PPFIA1: variants seen among roughly 807,000 people sequenced by gnomAD.
PPFIA1 encodes liprin-alpha-1.
PPFIA1 carries 25 observed loss-of-function variants against 149.9 expected under a neutral mutation model. The ratio of observed to expected loss-of-function variants is 0.17; its 90% confidence interval spans 0.12 to 0.23. The LOEUF is 0.23. Ranked by LOEUF, PPFIA1 falls within the 10% of genes least tolerant of loss-of-function variation. PPFIA1 has a pLI of 1.00. For missense variants in PPFIA1, 1,362 were observed against 1,506.5 expected (o/e 0.90, Z 1.59); for synonymous variants, 549 against 552.8 (o/e 0.99, Z 0.10).
chr11:70,369,185 T>C (rs1007794791), intron 21 of PPFIA1, among the ~76,000 whole-genome samples: 4 of 152,210 alleles, frequency 2.6e-5, no homozygotes, highest in Non-Finnish European at 4.4e-5. Flanking sequence ...CCGGAATGCT[T>C]GGAGTTCCAT....
At chr11:70,360,595 C>T (rs2056590367) in intron 19 of PPFIA1, among the ~76,000 whole-genome samples, 1 of 152,250 alleles carries the variant, frequency 6.6e-6, no homozygotes, top group African/African-American at 2.4e-5. Context: ...TACTGGCTGT[C>T]TTTGAGTGGC....
intron 2 of PPFIA1, among the ~76,000 whole-genome samples, chr11:70,290,690 C>T (rs1256368934): frequency 6.6e-6 from 1 of 152,130 alleles, no homozygotes; most frequent in Admixed American, 6.6e-5. Flanking sequence ...AATTTGGGAG[C>T]TTGAAGCATA....
chr11:70,376,952 A>C (rs1350028214), intron 25 of PPFIA1, among the ~76,000 whole-genome samples: 1 of 152,052 alleles, frequency 6.6e-6, no homozygotes, highest in African/African-American at 2.4e-5. Context: ...AGGTGCCTAT[A>C]ATCGCAGCTA....
intron 21 of PPFIA1, among the ~76,000 whole-genome samples, chr11:70,363,907 G>A (rs1472588717): frequency 6.6e-6 from 1 of 150,906 alleles, no homozygotes; most frequent in African/African-American, 2.4e-5. Flanking sequence ...TGTATTTTTT[G>A]TAGAGATGGG....
chr11:70,336,910 T>C (rs958021535), intron 11 of PPFIA1, among the ~76,000 whole-genome samples: 3 of 152,256 alleles, frequency 2.0e-5, no homozygotes, highest in Non-Finnish European at 4.4e-5. Flanking sequence ...ATTTACACGG[T>C]GCTGACCATG....
chr11:70,332,037 A>T lies in PPFIA1; in HGVS notation c.1155A>T (p.Ala385=). The T allele has an allele frequency of 6.2e-7, 1 of 1,613,366 alleles. No individual in the cohort carries two copies. The highest frequency in any genetic ancestry group is 8.5e-7 in the Non-Finnish European group (1 of 1,179,678). The change falls in exon 9 of 28, where the codon GCA becomes GCT. Residue 385 remains alanine, a synonymous_variant. Transcript: ENST00000253925. ...AGCTGCAACAGACACTGAGGAAGGCAGAGACGCTCCCGGAGGTGGAGGCGG... is the reference window on the plus strand; with the variant it reads ...AGCTGCAACAGACACTGAGGAAGGCTGAGACGCTCCCGGAGGTGGAGGCGG... ...EQKLQQTLRK[A]ETLPEVEAEL... is the part of the protein sequence containing the mutation.
intron 2 of PPFIA1, among the ~76,000 whole-genome samples, chr11:70,318,721 G>T (rs903206200): frequency 6.6e-5 from 10 of 152,196 alleles, no homozygotes; most frequent in Non-Finnish European, 1.3e-4. Context: ...AGTCACCATC[G>T]ATCTCCATTC....
chr11:70,335,114 G>A (rs1199831202), intron 10 of PPFIA1, among the ~76,000 whole-genome samples: 2 of 152,094 alleles, frequency 1.3e-5, no homozygotes, highest in Admixed American at 6.5e-5. Context: ...GGTCTCTCTA[G>A]CACAATTTTT....
chr11:70,305,582 G>C (rs894688767), intron 2 of PPFIA1, among the ~76,000 whole-genome samples: 1 of 152,034 alleles, frequency 6.6e-6, no homozygotes, highest in Non-Finnish European at 1.5e-5. Flanking sequence ...TGCTGCCTGG[G>C]CTGGTCTCGA....
intron 7 of PPFIA1, 58 bp from the exon 8 acceptor site, chr11:70,330,115 C>G: frequency 6.9e-7 from 1 of 1,446,460 alleles, no homozygotes. Flanking sequence ...TCTTAAGTAT[C>G]TTAATGTGTA....
chr11:70,372,775 C>A (rs1450595857), intron 23 of PPFIA1, among the ~76,000 whole-genome samples: 1 of 152,218 alleles, frequency 6.6e-6, no homozygotes, highest in Non-Finnish European at 1.5e-5. Flanking sequence ...GAACTGTTCC[C>A]TGTGTTCTCA....
chr11:70,279,725 G>C (rs1018035842), intron 2 of PPFIA1, among the ~76,000 whole-genome samples: 1 of 64,396 alleles, frequency 1.6e-5, no homozygotes, highest in African/African-American at 9.2e-5. Flanking sequence ...GTGTCTAGGT[G>C]TGTGTGTGTG....
chr11:70,307,613 G>GT (rs1409494713), intron 2 of PPFIA1, among the ~76,000 whole-genome samples: 34 of 152,110 alleles, frequency 2.2e-4, no homozygotes, highest in African/African-American at 8.0e-4. Flanking sequence ...AAAGGTGTGT[G>GT]TAAAAAAAAA....
chr11:70,333,631 C>G (rs1202590568), intron 10 of PPFIA1, 78 bp downstream of exon 10: 7 of 1,102,980 alleles, frequency 6.3e-6, no homozygotes, highest in Admixed American at 2.0e-5. Flanking sequence ...AGCTCAGGGC[C>G]TCCCACCCCT....
chr11:70,335,004 A>G (rs1402430807), intron 10 of PPFIA1, among the ~76,000 whole-genome samples: 4 of 152,260 alleles, frequency 2.6e-5, no homozygotes, highest in African/African-American at 9.6e-5. Context: ...TTTTGTTACT[A>G]CATATTAAAA....
rs150126116 is a variant in PPFIA1, at chr11:70,326,754, C to T, written c.866C>T (p.Thr289Met). 9.3e-6 allele frequency: 15 copies of T among 1,613,990 alleles called. No homozygotes were observed. Among genetic ancestry groups the T allele is most frequent in the East Asian group, 8.9e-5 (4 of 44,890 alleles). Reference protein sequence around the residue: ...HVTELEEDLDTARKDLIKSEE... With the variant: ...HVTELEEDLDMARKDLIKSEE... ...ACAGAACTGGAAGAGGATCTGGACA[C>T]GGCTAGAAAAGATCTCATCAAATCT... The change falls in exon 7 of 28, where the codon ACG becomes ATG. Residue 289 changes from threonine (T) to methionine (M), a missense_variant. Transcript: ENST00000253925.
intron 2 of PPFIA1, among the ~76,000 whole-genome samples, chr11:70,286,962 TAC>T (rs981862380): frequency 2.0e-5 from 3 of 147,616 alleles, no homozygotes; most frequent in Non-Finnish European, 4.4e-5. Context: ...ACTATATATA[TAC>T]ATATACACAT....
At chr11:70,375,864 C>T (rs553771037) in intron 24 of PPFIA1, among the ~76,000 whole-genome samples, 14 of 152,108 alleles carry the variant, frequency 9.2e-5, no homozygotes, top group Admixed American at 8.5e-4. Flanking sequence ...CACAACACAC[C>T]CTTGTTAATA....
chr11:70,338,983 TGA>T (rs1479229031), intron 13 of PPFIA1, among the ~76,000 whole-genome samples, 186 bp from the exon 14 acceptor site: 1 of 152,246 alleles, frequency 6.6e-6, no homozygotes. Context: ...CTGGTAGGGC[TGA>T]GAGACTAAAA....
Sources: allele counts gnomAD v4.1 joint callset (sites outside exome capture counted in the v4.1 genomes callset), GRCh38; gene constraint gnomAD v4.1.1; transcripts MANE v1.5; gene names NCBI Gene and HGNC (gene_info 2026-07-23, HGNC 2026-07-21).